RBCK1: variants seen among roughly 807,000 people sequenced by gnomAD.
RBCK1 encodes ranBP-type and C3HC4-type zinc finger-containing protein 1.
RBCK1 carries 44 observed loss-of-function variants against 71.1 expected under a neutral mutation model. The ratio of observed to expected loss-of-function variants is 0.62; its 90% CI spans 0.49 to 0.80. The LOEUF is 0.80. Among genes scored for constraint, RBCK1 ranks in the 30% least tolerant of loss-of-function variants. The pLI, the probability that RBCK1 is intolerant of heterozygous loss-of-function variation, is 0.00. For synonymous variants in RBCK1, 306 were observed against 279.7 expected, an observed-to-expected ratio of 1.09 and a Z score of -0.94; for missense variants, 569 against 685.0, an observed-to-expected ratio of 0.83 and a Z score of 1.89.
rs1173875198 is a variant in RBCK1, at chr20:422,206, T to C, written c.997T>C (p.Ser333Pro). The C allele has an allele frequency of 6.2e-7, 1 of 1,613,424 alleles. No individual in the cohort carries two copies. The highest frequency in any genetic ancestry group is 8.5e-7 in the Non-Finnish European group (1 of 1,179,916). The change falls in exon 8 of 12, where the codon TCG (serine) becomes CCG (proline). Residue 333 changes from serine (S) to proline (P), a missense_variant. Transcript: ENST00000356286. This position sits in a 1 kb window ranked among gnomAD's most constrained non-coding sequence, Gnocchi z 5.0. Reference sequence around the variant, plus strand: ...CTTCATTGACAACACCTACTCGTGCTCGGGCAAGCTGCTGGAGAGGGAGAT... The same window carrying C: ...CTTCATTGACAACACCTACTCGTGCCCGGGCAAGCTGCTGGAGAGGGAGAT... ...CPFIDNTYSC[S>P]GKLLEREIKA...
chr20:422,072 T>A lies in RBCK1; in HGVS notation c.918-55T>A, dbSNP rs2016468634. ...AGGCCTTGCCATGTGAGGGATGGAGTCCCCAGTGAAGGGGGTTCCTATGAT... is the reference window on the plus strand; with the variant it reads ...AGGCCTTGCCATGTGAGGGATGGAGACCCCAGTGAAGGGGGTTCCTATGAT... On this transcript the variant is annotated intron_variant, in intron 7 of 11. Transcript: ENST00000356286. This position sits in a 1 kb window ranked among gnomAD's most constrained non-coding sequence, Gnocchi z 5.0. 2 of 1,415,572 alleles carry A rather than the reference T, an allele frequency of 1.4e-6. No individual in the cohort carries two copies. The highest frequency in any genetic ancestry group is 4.6e-5 in the East Asian group (2 of 43,496). 87.7% of individuals were successfully genotyped at this position (1,415,572 alleles called of 1,614,324 possible). A position where few individuals can be genotyped will look rare whatever the true frequency, so the allele number is the denominator to read the frequency against.
Position 417,567 on chromosome 20 carries a change from C to T in RBCK1, c.209C>T (p.Thr70Ile). The T allele has an allele frequency of 6.2e-7, 1 of 1,614,000 alleles. No individual in the cohort carries two copies. The highest frequency in any genetic ancestry group is 8.5e-7 in the Non-Finnish European group (1 of 1,180,020). The part of the protein sequence containing the change: ...SVEDAQMHTV[T>I]IWLTVRPDMT... ...GAGGATGCTCAGATGCACACCGTCA[C>T]CATCTGGCTCACAGTGCGCCCTGAT... The change falls in exon 3 of 12, where the codon ACC becomes ATC. Residue 70 changes from threonine (T) to isoleucine (I), a missense_variant. Thr to Ile is a moderately conservative substitution (Grantham distance 89). This residue lies in a region of RBCK1 where 358 missense variants were observed against 375.6 expected (regional missense o/e 0.95). Transcript: ENST00000356286. This position sits in a 1 kb window ranked among gnomAD's most constrained non-coding sequence, Gnocchi z 4.7.
intron 4 of RBCK1, among the ~76,000 whole-genome samples, chr20:418,780 C>A (rs192038698): frequency 6.6e-6 from 1 of 152,312 alleles, no homozygotes; most frequent in East Asian, 1.9e-4. Flanking sequence ...ATTCAGTGTG[C>A]ATTTCCTTGA....
intron 8 of RBCK1, among the ~76,000 whole-genome samples, chr20:425,394 A>G (rs2122306926): frequency 6.6e-6 from 1 of 152,356 alleles, no homozygotes; most frequent in African/African-American, 2.4e-5. Flanking sequence ...AGTCAGGTAA[A>G]TTTTAACAAA....
chr20:425,626 C>CTTTTTTTTTTTTTTTTTTTTT (rs66583727), intron 8 of RBCK1, among the ~76,000 whole-genome samples: 1 of 123,284 alleles, frequency 8.1e-6, no homozygotes, highest in African/African-American at 2.9e-5. Flanking sequence ...ATGGTGTATT[C>CTTTTTTTTTTTTTTTTTTTTT]TTTTTTTTTT....
rs1025179995 is a variant in RBCK1, at chr20:421,158, G to A, written c.917+127G>A. 42 of 1,199,480 alleles carry A rather than the reference G, an allele frequency of 3.5e-5. No individual in the cohort carries two copies. In the South Asian group the frequency reaches 6.5e-4, roughly 19 times the overall value. The allele number at this position is 1,199,480 out of a possible 1,614,324, so 74.3% of individuals were successfully genotyped here. Reference sequence around the variant, plus strand: ...ACGCCCGCGAAAACCTACGAGGTAGGCTCCGTCTCCCCATGTTGCGGACGA... The same window carrying A: ...ACGCCCGCGAAAACCTACGAGGTAGACTCCGTCTCCCCATGTTGCGGACGA... On this transcript the variant is annotated intron_variant, in intron 7 of 11. Transcript: ENST00000356286.
At chr20:426,308 T>C (rs1055485967) in intron 8 of RBCK1, among the ~76,000 whole-genome samples, 1 of 117,084 alleles carries the variant, frequency 8.5e-6, no homozygotes, top group Non-Finnish European at 1.6e-5. Context: ...TCTTACTCTA[T>C]TTTTTTGTAC....
In RBCK1 at chr20:408,738, G is replaced by T; in HGVS notation, c.-20G>T. Reference sequence around the variant, plus strand: ...CAGGAGGCACGGTCCCCCCCAGGGGGATGGGCACAGCCACGCCAGATGGAC... The same window carrying T: ...CAGGAGGCACGGTCCCCCCCAGGGGTATGGGCACAGCCACGCCAGATGGAC... On this transcript the variant is annotated 5_prime_UTR_variant, in exon 1 of 12. Coordinates refer to ENST00000356286, the MANE Select transcript of RBCK1 (RefSeq NM_031229.4). 3 of 1,612,536 alleles carry T rather than the reference G, an allele frequency of 1.9e-6. No individual in the cohort carries two copies. The highest frequency in any genetic ancestry group is 2.5e-6 in the Non-Finnish European group (3 of 1,179,562).
At chr20:415,651 A>G (rs2015940436) in intron 2 of RBCK1, among the ~76,000 whole-genome samples, 1 of 152,084 alleles carries the variant, frequency 6.6e-6, no homozygotes, top group African/African-American at 2.4e-5. Flanking sequence ...CATATTCTGG[A>G]TCTATCCATT....
chr20:412,132 C>G (rs945756527), intron 2 of RBCK1, among the ~76,000 whole-genome samples: 15 of 152,190 alleles, frequency 9.9e-5, no homozygotes, highest in African/African-American at 3.4e-4. Flanking sequence ...TCCACATCAT[C>G]TCTAATACTT....
Position 428,632 on chromosome 20 carries a change from G to A in RBCK1, c.1308+43G>A, listed in dbSNP as rs1472873485. 6.4e-7 allele frequency: 1 copy of A among 1,554,844 alleles called. No individual in the cohort carries two copies. The highest frequency in any genetic ancestry group is 8.7e-7 in the Non-Finnish European group (1 of 1,148,956). On this transcript the variant is annotated intron_variant, in intron 10 of 11. Transcript: ENST00000356286. This position sits in a 1 kb window ranked among gnomAD's most constrained non-coding sequence, Gnocchi z 5.7. ...CCGAGGCCTAGGGATTTTAAGTTCT[G>A]GGATCCAGGTGGGGGCTGGGGGCTT...
chr20:418,494 G>C (rs554413615), intron 4 of RBCK1, among the ~76,000 whole-genome samples: 3 of 152,176 alleles, frequency 2.0e-5, no homozygotes, highest in Admixed American at 6.5e-5. Context: ...TCAGCCTCCG[G>C]AGTAGCTGGG....
rs547015269 is a variant in RBCK1, at chr20:431,471, C to CT, written c.*1042dup. Among the ~76,000 whole-genome samples, 52 of 152,324 alleles carry CT rather than the reference C, an allele frequency of 3.4e-4. No individual in the cohort carries two copies. Among genetic ancestry groups the CT allele is most frequent in the African/African-American group, 3.1e-4 (13 of 41,574 alleles). Reference sequence around the variant, plus strand: ...GACAGGGTCCTGGGATGTTCATTCTCTAAGTCTTTCCTCCGCTCTGTGACC... The same window carrying CT: ...GACAGGGTCCTGGGATGTTCATTCTCTTAAGTCTTTCCTCCGCTCTGTGACC... On this transcript the variant is annotated 3_prime_UTR_variant, in exon 12 of 12. Coordinates refer to ENST00000356286, the MANE Select transcript of RBCK1 (RefSeq NM_031229.4). This position sits in a 1 kb window ranked among gnomAD's most constrained non-coding sequence, Gnocchi z 4.8.
At chr20:410,438 C>A (rs761689020) in intron 2 of RBCK1, 2 of 779,594 alleles carry the variant, frequency 2.6e-6, no homozygotes, top group Non-Finnish European at 4.8e-6. Flanking sequence ...AATGGCCATT[C>A]CAGCTCCATC....
At chr20:427,926 G>A (rs2016820148) in intron 9 of RBCK1, among the ~76,000 whole-genome samples, 1 of 152,162 alleles carries the variant, frequency 6.6e-6, no homozygotes, top group Non-Finnish European at 1.5e-5. Context: ...ATCTGTGACA[G>A]ACTAAGGCCT....
At chr20:409,591 A>G (rs941991460) in intron 1 of RBCK1, among the ~76,000 whole-genome samples, 1 of 152,120 alleles carries the variant, frequency 6.6e-6, no homozygotes, top group Non-Finnish European at 1.5e-5. Context: ...GGTGGCACAC[A>G]GTAGAAGCTC....
rs2016943279 is a variant in RBCK1 at position 430,129 on chromosome 20, G to C, written c.1453-221G>C. On this transcript the variant is annotated intron_variant, in intron 11 of 11. Transcript: ENST00000356286. The surrounding 1 kb of genome is among the most constrained non-coding windows in gnomAD (Gnocchi z 5.6). ...ATGTCTAGAATATGCAGAGTGGTCA[G>C]ATCCTCTCCCTGGCCTGTTCCCGGA... 6.6e-6 allele frequency among the ~76,000 whole-genome samples: 1 copy of C among 152,250 alleles called. No individual in the cohort carries two copies. Among genetic ancestry groups the C allele is most frequent in the Non-Finnish European group, 1.5e-5 (1 of 68,048 alleles).
chr20:418,575 A>G lies in RBCK1; in HGVS notation c.460+645A>G, dbSNP rs547657447. Among the ~76,000 whole-genome samples the G allele has an allele frequency of 1.5e-3, 227 of 152,208 alleles. 2 individuals carry two copies. Among genetic ancestry groups the G allele is most frequent in the South Asian group, 8.9e-3 (43 of 4,820 alleles). Reference sequence around the variant, plus strand: ...AGTAGAGACGGGGTTTCACCGTGTTAGCCAGGATGGTCTCGATCTCCTGAC... The same window carrying G: ...AGTAGAGACGGGGTTTCACCGTGTTGGCCAGGATGGTCTCGATCTCCTGAC... On this transcript the variant is annotated intron_variant, in intron 4 of 11. Coordinates refer to ENST00000356286, the MANE Select transcript of RBCK1 (RefSeq NM_031229.4).
rs2057251 is a variant in RBCK1, at chr20:422,066, A to T, written c.918-61A>T. 1.5e-6 allele frequency: 2 copies of T among 1,361,700 alleles called. No homozygotes were observed. The highest frequency in any genetic ancestry group is 2.8e-5 in the African/African-American group (2 of 70,274). The allele number at this position is 1,361,700 out of a possible 1,614,324, so 84.4% of individuals were successfully genotyped here. On this transcript the variant is annotated intron_variant, in intron 7 of 11. Coordinates refer to ENST00000356286, the MANE Select transcript of RBCK1 (RefSeq NM_031229.4). This position sits in a 1 kb window ranked among gnomAD's most constrained non-coding sequence, Gnocchi z 5.0. ...GGGGTCAGGCCTTGCCATGTGAGGG[A>T]TGGAGTCCCCAGTGAAGGGGGTTCC...
Sources: allele counts gnomAD v4.1 joint callset (sites outside exome capture counted in the v4.1 genomes callset), GRCh38; gene constraint gnomAD v4.1.1; regional missense constraint gnomAD v4.1.1; non-coding constraint Gnocchi (gnomAD v3.1); transcripts MANE v1.5; gene names NCBI Gene and HGNC (gene_info 2026-07-23, HGNC 2026-07-21).